Variants in RORA observed in about 807,000 individuals in gnomAD.
The protein encoded by RORA is nuclear receptor ROR-alpha.
RORA carries 7 observed loss-of-function variants against 69.5 expected under a neutral mutation model. The observed-to-expected ratio is 0.10, with a 90% confidence interval of 0.06 to 0.19. The LOEUF is 0.19. Among genes scored for constraint, RORA ranks in the 10% least tolerant of loss-of-function variants. The probability of loss-of-function intolerance (pLI) is 1.00; values close to 1 mark genes in which losing one functional copy is unlikely to be tolerated. For synonymous variants in RORA, 261 were observed against 240.8 expected, an observed-to-expected ratio of 1.08 and a Z score of -0.78; for missense variants, 457 against 663.0, an observed-to-expected ratio of 0.69 and a Z score of 3.41.
intron 1 of RORA, among the ~76,000 whole-genome samples, chr15:61,000,422 A>G (rs901865823): frequency 3.9e-5 from 6 of 152,200 alleles, no homozygotes; most frequent in Non-Finnish European, 7.3e-5. Flanking sequence ...CAAAGTGAAC[A>G]TCCCATAATC....
chr15:60,597,512 T>TACACACACACAC (rs56774445), intron 2 of RORA, among the ~76,000 whole-genome samples: 2 of 43,224 alleles, frequency 4.6e-5, no homozygotes, highest in African/African-American at 7.2e-5. Context: ...GTACAGGAGA[T>TACACACACACAC]ACACACACAC....
At chr15:60,831,306 G>C (rs771460280) in intron 1 of RORA, among the ~76,000 whole-genome samples, 1 of 152,194 alleles carries the variant, frequency 6.6e-6, no homozygotes, top group Non-Finnish European at 1.5e-5. Flanking sequence ...CCAGGACAAA[G>C]ATGGGATGGT....
At chr15:60,864,670 T>G (rs959985404) in intron 1 of RORA, among the ~76,000 whole-genome samples, 3 of 152,184 alleles carry the variant, frequency 2.0e-5, no homozygotes, top group Admixed American at 2.0e-4. Context: ...TCAGGAACAT[T>G]ATATCACTGT....
At chr15:61,075,780 T>C (rs933318937) in intron 1 of RORA, among the ~76,000 whole-genome samples, 2 of 152,288 alleles carry the variant, frequency 1.3e-5, no homozygotes, top group East Asian at 1.9e-4. Context: ...GCTGCTTAGA[T>C]TTTGAGCAAG....
intron 1 of RORA, among the ~76,000 whole-genome samples, chr15:60,997,496 C>T (rs1894592869): frequency 6.6e-6 from 1 of 152,050 alleles, no homozygotes; most frequent in Non-Finnish European, 1.5e-5. Flanking sequence ...CATTAACTTT[C>T]TAGAAAGTAA....
In RORA at chr15:60,511,460, G is replaced by A. The variant is rs2065694594; in HGVS notation, c.586C>T (p.Leu196Phe). ...YNISANGLTE[L>F]HDDLSNYIDG... The stretch of plus-strand genomic sequence containing the variant: ...ATGTAGTTACTGAGGTCGTCGTGAA[G>A]TTCCGTCAGCCCGTTGGCCGAGATG... Residue 196 changes from leucine to phenylalanine, a missense_variant, in exon 5 of 11, where the codon CTT becomes TTT. Leu to Phe is a conservative substitution (Grantham distance 22). Transcript: ENST00000335670. The surrounding 1 kb of genome is among the most constrained non-coding windows in gnomAD (Gnocchi z 6.4). 6.2e-7 allele frequency: 1 copy of A among 1,614,190 alleles called. No homozygotes were observed.
intron 1 of RORA, among the ~76,000 whole-genome samples, chr15:61,021,001 G>A (rs1895494931): frequency 1.3e-5 from 2 of 152,224 alleles, no homozygotes; most frequent in Non-Finnish European, 2.9e-5. Flanking sequence ...GGGGGCAGAT[G>A]GCTTTGTGCT....
At chr15:61,202,103 G>A (rs901504371) in intron 1 of RORA, among the ~76,000 whole-genome samples, 3 of 151,150 alleles carry the variant, frequency 2.0e-5, no homozygotes, top group Non-Finnish European at 4.4e-5. Flanking sequence ...CGCCTCCCAG[G>A]TTCAAGCGAT....
chr15:61,175,823 C>T (rs142575331), intron 1 of RORA, among the ~76,000 whole-genome samples: 1 of 152,308 alleles, frequency 6.6e-6, no homozygotes, highest in Non-Finnish European at 1.5e-5. Flanking sequence ...ACCCATATTT[C>T]TTGCTCTGAG....
At chr15:61,181,345 T>C (rs1457668267) in intron 1 of RORA, 2 of 152,114 alleles carry the variant, frequency 1.3e-5, no homozygotes, top group Admixed American at 1.3e-4. Flanking sequence ...CATTATCTCC[T>C]GGAAGAACAT....
chr15:60,515,719 T>A (rs770092768), intron 3 of RORA, among the ~76,000 whole-genome samples: 10 of 148,004 alleles, frequency 6.8e-5, no homozygotes, highest in Admixed American at 1.4e-4. Context: ...AGAGGCATAT[T>A]TCTTAATTTC....
rs79416181 is a variant in RORA at position 60,662,728 on chromosome 15, T to C, written c.196+15929A>G. On this transcript the variant is annotated intron_variant, in intron 2 of 10. Transcript: ENST00000335670. Reference sequence around the variant, plus strand: ...GCATATATTTTATTAGTTTAAATCCTAGCTAAGCAATAAAATATGTGTCAT... The same window carrying C: ...GCATATATTTTATTAGTTTAAATCCCAGCTAAGCAATAAAATATGTGTCAT... Among the ~76,000 whole-genome samples, 312 of 152,284 alleles carry C rather than the reference T, an allele frequency of 2.0e-3. 9 individuals are homozygous for C. In the East Asian group the frequency reaches 0.057, roughly 28 times the overall value.
At chr15:60,804,709 T>C (rs921633932) in intron 1 of RORA, among the ~76,000 whole-genome samples, 3 of 152,212 alleles carry the variant, frequency 2.0e-5, no homozygotes, top group African/African-American at 7.2e-5. Context: ...ATTACATATG[T>C]ATGAGATTAA....
At chr15:60,622,432 T>A (rs192355443) in intron 2 of RORA, among the ~76,000 whole-genome samples, 2 of 152,086 alleles carry the variant, frequency 1.3e-5, no homozygotes, top group Admixed American at 6.5e-5. Context: ...GGGGAACATG[T>A]GAAACCCCGT....
chr15:60,622,428 CAT>C (rs1053284338), intron 2 of RORA, among the ~76,000 whole-genome samples: 3 of 151,960 alleles, frequency 2.0e-5, no homozygotes, highest in Non-Finnish European at 4.4e-5. Flanking sequence ...GCCTGGGGAA[CAT>C]GTGAAACCCC....
intron 2 of RORA, chr15:60,630,728 C>A (rs756298268): frequency 2.6e-5 from 4 of 152,230 alleles, no homozygotes; most frequent in Non-Finnish European, 5.9e-5. Context: ...TCAGGAACTC[C>A]TTTCTCCTCT....
chr15:60,924,089 C>G (rs903526113), intron 1 of RORA, among the ~76,000 whole-genome samples: 2 of 152,278 alleles, frequency 1.3e-5, no homozygotes, highest in Non-Finnish European at 2.9e-5. Flanking sequence ...GGCACTTGCT[C>G]TCCTCTCTCC....
intron 1 of RORA, among the ~76,000 whole-genome samples, chr15:60,786,461 G>A (rs566931831): frequency 2.6e-5 from 4 of 152,330 alleles, no homozygotes; most frequent in African/African-American, 9.6e-5. Context: ...TTTGTGAGAT[G>A]CACCTTGCAC....
At chr15:60,800,660 C>T (rs1037649299) in intron 1 of RORA, among the ~76,000 whole-genome samples, 1 of 152,150 alleles carries the variant, frequency 6.6e-6, no homozygotes, top group African/African-American at 2.4e-5. Context: ...GCCCGAGTGT[C>T]CTGGCTATAG....
Sources: allele counts gnomAD v4.1 joint callset (sites outside exome capture counted in the v4.1 genomes callset), GRCh38; gene constraint gnomAD v4.1.1; non-coding constraint Gnocchi (gnomAD v3.1); transcripts MANE v1.5; gene names NCBI Gene and HGNC (gene_info 2026-07-23, HGNC 2026-07-21).